Variants in ZNF888 observed in about 807,000 individuals in gnomAD.
ZNF888 encodes the protein CTD-2331H12.6.
A neutral mutation model predicts 7.2 loss-of-function variants in ZNF888; 5 were observed. The ratio of observed to expected loss-of-function variants is 0.70; its 90% confidence interval spans 0.36 to 1.46. The LOEUF is 1.46. ZNF888 is among the 40% of genes most tolerant of loss of function. ZNF888 has a pLI of 0.03. For synonymous variants in ZNF888, 240 were observed against 284.3 expected (o/e 0.84, Z 1.57); for missense variants, 716 against 858.0 (o/e 0.83, Z 2.07).
chr19:52,915,278 C>T lies in ZNF888; in HGVS notation c.60G>A (p.Glu20=). Residue 20 remains glutamate (E), a synonymous_variant, in exon 4 of 5, where the codon GAG becomes GAA. Transcript: ENST00000638862. ...FRDVAIEFSQ[E]EWKCLDPAQR... ...GAGCAGGGTCCAGGCATTTCCACTC[C>T]TCCTGAGAGAATTCTATGGCCACAT... The T allele has an allele frequency of 1.2e-6, 2 of 1,613,532 alleles. No homozygotes were observed. Among genetic ancestry groups the T allele is most frequent in the South Asian group, 1.1e-5 (1 of 91,066 alleles).
Position 52,908,109 on chromosome 19 carries a change from C to T in ZNF888, c.213G>A (p.Gly71=), listed in dbSNP as rs2064633525. Residue 71 remains glycine (G), a synonymous_variant, in exon 5 of 5, where the codon GGG becomes GGA. Transcript: ENST00000638862. The part of the protein sequence containing the change: ...GKGNTEVIHT[G]TLQRLASHHI... Reference sequence around the variant, plus strand: ...GATGACTTGCCAGTCTTTGCAATGTCCCTGTGTGGATCACTTCTGTATTGC... The same window carrying T: ...GATGACTTGCCAGTCTTTGCAATGTTCCTGTGTGGATCACTTCTGTATTGC... 2 of 1,614,128 alleles carry T rather than the reference C, an allele frequency of 1.2e-6. No homozygotes were observed. Among genetic ancestry groups the T allele is most frequent in the Non-Finnish European group, 8.5e-7 (1 of 1,180,046 alleles).
Position 52,920,533 on chromosome 19 carries a change from G to GAAA in ZNF888, c.-177-1599_-177-1597dup, listed in dbSNP as rs1175516942. 2.5e-3 allele frequency among the ~76,000 whole-genome samples: 61 copies of GAAA among 24,808 alleles called. 15 individuals are homozygous for GAAA. The highest frequency in any genetic ancestry group is 6.9e-3 in the African/African-American group (51 of 7,440). 16.3% of individuals were successfully genotyped at this position (24,808 alleles called of 152,430 possible). A position where few individuals can be genotyped will look rare whatever the true frequency, so the allele number is the denominator to read the frequency against. On this transcript the variant is annotated intron_variant, in intron 1 of 4. Transcript: ENST00000638862. ...AAAAAAAAAGAAAAAAAAAGAAAAG[G>GAAA]AAAAAAAAAAAAAAAAGGAATTATT...
At position 52,906,615 on chromosome 19, in the gene ZNF888, A is replaced by G; in HGVS notation, c.1707T>C (p.His569=). ...AAGGTTTCTCTCCAGTATGAAGTCT[A>G]TGATGATATGCAAGGCTTGATTTGT... ...FNHKSSLAYH[H]RLHTGEKPYK... is the part of the protein sequence containing the mutation. Residue 569 remains histidine (H), a synonymous_variant, in exon 5 of 5, where the codon CAT becomes CAC. Coordinates refer to ENST00000638862, the MANE Select transcript of ZNF888 (RefSeq NM_001393938.1). 1 of 1,613,454 alleles carries G rather than the reference A, an allele frequency of 6.2e-7. No homozygotes were observed. The highest frequency in any genetic ancestry group is 8.5e-7 in the Non-Finnish European group (1 of 1,179,688).
Position 52,921,578 on chromosome 19 carries a change from G to C in ZNF888, c.-178+1791C>G, listed in dbSNP as rs1004550198. ...TGGGCTAAAGAAACTTCTTTTGCAA[G>C]GTTCTGATGCCATTAATTCCTAACA... On this transcript the variant is annotated intron_variant, in intron 1 of 4. Transcript: ENST00000638862. The C allele has an allele frequency of 3.5e-5, 29 of 831,944 alleles. No homozygotes were observed. In the African/African-American group the frequency reaches 5.0e-4, roughly 14 times the overall value. The allele number at this position is 831,944 out of a possible 1,614,324, so 51.5% of individuals were successfully genotyped here.
At chr19:52,913,765 T>C in intron 4 of ZNF888, 1 of 983,610 alleles carries the variant, frequency 1.0e-6, no homozygotes, top group South Asian at 4.7e-5. Flanking sequence ...ACGTGGTTGT[T>C]ATATTCACAC....
chr19:52,906,703 T>C lies in ZNF888; in HGVS notation c.1619A>G (p.His540Arg). 4 of 1,607,650 alleles carry C rather than the reference T, an allele frequency of 2.5e-6. No homozygotes were observed. The highest frequency in any genetic ancestry group is 3.4e-6 in the Non-Finnish European group (4 of 1,175,530). ...TTTCTCTCCAGTATGAATGACCTTA[T>C]GCATTACAAGAGATGAATTTTGAAC... ...TFVQNSSLVMHKVIHTGEKRY... is the reference protein window; with the variant it reads ...TFVQNSSLVMRKVIHTGEKRY... Residue 540 changes from histidine to arginine, a missense_variant, in exon 5 of 5, where the codon CAT becomes CGT. Coordinates refer to ENST00000638862, the MANE Select transcript of ZNF888 (RefSeq NM_001393938.1).
chr19:52,912,244 G>A (rs1024243556), intron 4 of ZNF888, among the ~76,000 whole-genome samples: 1 of 150,688 alleles, frequency 6.6e-6, no homozygotes, highest in South Asian at 2.1e-4. Context: ...CTCCCGAGTA[G>A]CTGGGACTAC....
chr19:52,921,221 T>C (rs1172714657), intron 1 of ZNF888, among the ~76,000 whole-genome samples: 2 of 152,124 alleles, frequency 1.3e-5, no homozygotes, highest in African/African-American at 4.8e-5. Flanking sequence ...GCAGAGGGAT[T>C]CATGAGATGG....
chr19:52,918,208 G>T lies in ZNF888; in HGVS notation c.-58-277C>A, dbSNP rs577020819. The T allele has an allele frequency of 1.0e-5, 10 of 985,464 alleles. No homozygotes were observed. The African/African-American group carries it at 1.7e-4, about 17-fold the overall frequency. 61.0% of individuals were successfully genotyped at this position (985,464 alleles called of 1,614,324 possible). A position where few individuals can be genotyped will look rare whatever the true frequency, so the allele number is the denominator to read the frequency against. On this transcript the variant is annotated intron_variant, in intron 2 of 4. Coordinates refer to ENST00000638862, the MANE Select transcript of ZNF888 (RefSeq NM_001393938.1). The stretch of plus-strand genomic sequence containing the variant: ...CAGACCTGACCAAACCACTTGCAGA[G>T]GCTGGGTGCGGTGGCTCATGCCTAT...
At chr19:52,913,230 T>C (rs2064706414) in intron 4 of ZNF888, among the ~76,000 whole-genome samples, 2 of 152,166 alleles carry the variant, frequency 1.3e-5, no homozygotes, top group Admixed American at 6.5e-5. Flanking sequence ...TAAATATATG[T>C]TAATGAAAAT....
chr19:52,911,216 T>A (rs2064673883), intron 4 of ZNF888, among the ~76,000 whole-genome samples: 1 of 152,124 alleles, frequency 6.6e-6, no homozygotes, highest in African/African-American at 2.4e-5. Flanking sequence ...TTTCACCATG[T>A]TGTACAGACT....
At chr19:52,909,245 T>A (rs990626284) in intron 4 of ZNF888, among the ~76,000 whole-genome samples, 72 of 149,766 alleles carry the variant, frequency 4.8e-4, no homozygotes, top group Middle Eastern at 3.4e-3. Context: ...TTAAAAAAAA[T>A]TTTTGTATTT....
rs2147922763 is a variant in ZNF888, at chr19:52,907,359, A to T, written c.963T>A (p.Thr321=). The T allele has an allele frequency of 1.2e-6, 2 of 1,613,642 alleles. No homozygotes were observed. The highest frequency in any genetic ancestry group is 3.3e-4 in the Middle Eastern group (2 of 6,060). Residue 321 remains threonine, a synonymous_variant, in exon 5 of 5, where the codon ACT becomes ACA. Transcript: ENST00000638862. ...SALLVHKTIH[T]GEKPYKCNEC... ...CATTACACTTGTAAGGTTTCTCTCC[A>T]GTATGAATTGTCTTGTGAACTAAGA...
intron 4 of ZNF888, among the ~76,000 whole-genome samples, chr19:52,914,767 A>C (rs1007867197): frequency 9.2e-5 from 14 of 152,010 alleles, no homozygotes; most frequent in Non-Finnish European, 2.1e-4. Context: ...CCCGGGTTTG[A>C]GTGATTCTCT....
chr19:52,913,607 A>T, intron 4 of ZNF888: 1 of 579,604 alleles, frequency 1.7e-6, no homozygotes, highest in Non-Finnish European at 2.2e-6. Flanking sequence ...TATAGGCGTG[A>T]GCCACTGTAC....
intron 1 of ZNF888, among the ~76,000 whole-genome samples, chr19:52,919,403 G>A (rs867455826): frequency 0.018 from 1,220 of 68,162 alleles, 415 homozygotes; most frequent in African/African-American, 0.05. Context: ...GCTCCTAACC[G>A]CCAGCCTCGG....
In ZNF888 at chr19:52,915,190, C is replaced by T. The variant is rs1180345418; in HGVS notation, c.142+6G>A. ...GGAACATCCCCAGGAAGGAAGTTAT[C>T]CTCACCCAGGGAGACCAGGTTCCTA... On this transcript the variant is annotated splice_donor_region_variant and intron_variant, in intron 4 of 4. Transcript: ENST00000638862. 6.4e-6 allele frequency: 10 copies of T among 1,553,438 alleles called. 1 individual carries two copies. The highest frequency in any genetic ancestry group is 8.6e-6 in the Non-Finnish European group (10 of 1,158,412).
In ZNF888 at chr19:52,911,378, G is replaced by T. The variant is rs372955713; in HGVS notation, c.143-3199C>A. Among the ~76,000 whole-genome samples, 3 of 145,058 alleles carry T rather than the reference G, an allele frequency of 2.1e-5. No homozygotes were observed. The Admixed American group carries it at 2.1e-4, about 10-fold the overall frequency. On this transcript the variant is annotated intron_variant, in intron 4 of 4. Coordinates refer to ENST00000638862, the MANE Select transcript of ZNF888 (RefSeq NM_001393938.1). The stretch of plus-strand genomic sequence containing the variant: ...TTTTGAGACGGAGTCTTGCTCTGTC[G>T]CCCAGGCTGGAGTGCAGTGGCATGA...
At chr19:52,914,217 T>G in intron 4 of ZNF888, 1 of 313,246 alleles carries the variant, frequency 3.2e-6, no homozygotes, top group Non-Finnish European at 4.6e-6. Context: ...CACAGAATTC[T>G]CCCACTTGCA....
Sources: gnomAD v4.1 joint callset for allele counts (sites outside exome capture counted in the v4.1 genomes callset) on GRCh38, gnomAD v4.1.1 for gene constraint, MANE v1.5 for transcripts, NCBI Gene and HGNC (gene_info 2026-07-23, HGNC 2026-07-21) for gene names.